TNRC18: variants seen among roughly 807,000 people sequenced by gnomAD.
TNRC18 encodes the protein trinucleotide repeat containing 18.
A neutral mutation model predicts 226.7 loss-of-function variants in TNRC18; 69 were observed. The observed-to-expected ratio is 0.30, with a 90% confidence interval of 0.25 to 0.37. The LOEUF (loss-of-function observed/expected upper bound fraction) is 0.37. Among genes scored for constraint, TNRC18 ranks in the 10% least tolerant of loss-of-function variants. TNRC18 has a pLI of 1.00. For missense variants in TNRC18, 4,754 were observed against 4,256.6 expected, an observed-to-expected ratio of 1.12 and a Z score of -3.25; for synonymous variants, 2,449 against 1,927.6, an observed-to-expected ratio of 1.27 and a Z score of -7.09.
intron 2 of TNRC18, among the ~76,000 whole-genome samples, chr7:5,418,070 A>C (rs1782301003): frequency 6.6e-6 from 1 of 152,174 alleles, no homozygotes; most frequent in Non-Finnish European, 1.5e-5. Context: ...GTACCCCTCC[A>C]GGGCCAGCCT....
At chr7:5,352,776 G>A (rs1791959973) in intron 16 of TNRC18, among the ~76,000 whole-genome samples, 1 of 152,248 alleles carries the variant, frequency 6.6e-6, no homozygotes, top group African/African-American at 2.4e-5. Context: ...GCTTTGGGAG[G>A]GGAGCCTGCC....
chr7:5,323,125 C>T (rs1423053033), intron 21 of TNRC18, among the ~76,000 whole-genome samples: 1 of 152,198 alleles, frequency 6.6e-6, no homozygotes, highest in South Asian at 2.1e-4. Context: ...CTGAGACGCA[C>T]ACAGGCGGCG....
intron 5 of TNRC18, among the ~76,000 whole-genome samples, chr7:5,385,306 G>C (rs1352277114): frequency 6.6e-6 from 1 of 152,090 alleles, no homozygotes; most frequent in Non-Finnish European, 1.5e-5. Context: ...GGCTAACAAG[G>C]TGAAACCCCG....
At chr7:5,376,767 A>G (rs1779006978) in intron 8 of TNRC18, 80 bp downstream of exon 8, 1 of 1,532,514 alleles carries the variant, frequency 6.5e-7, no homozygotes, top group Admixed American at 2.0e-5. Context: ...ACCCCTCAGC[A>G]GGAAGCCCTT....
Position 5,415,522 on chromosome 7 carries a change from C to T in TNRC18, c.187+5538G>A, listed in dbSNP as rs375758557. Among the ~76,000 whole-genome samples, 557 of 151,674 alleles carry T rather than the reference C, an allele frequency of 3.7e-3. 6 individuals are homozygous for T. The highest frequency in any genetic ancestry group is 0.013 in the African/African-American group (524 of 41,390). ...CTCCCCGAGTAGCTGGGATTACAGG[C>T]ACCCGCCACCACACCCAGCCAATTT... On this transcript the variant is annotated intron_variant, in intron 2 of 29. Coordinates refer to ENST00000430969, the MANE Select transcript of TNRC18 (RefSeq NM_001080495.3).
At chr7:5,404,763 AGTGTGTGTGTGT>A (rs57464872) in intron 2 of TNRC18, among the ~76,000 whole-genome samples, 2,779 of 147,222 alleles carry the variant, frequency 0.019, 36 homozygotes, top group Non-Finnish European at 0.032. Context: ...GCACACTTTC[AGTGTGTGTGTGT>A]GTGTGTGTGT....
chr7:5,387,308 G>C (rs1779866014), intron 5 of TNRC18, among the ~76,000 whole-genome samples: 2 of 152,176 alleles, frequency 1.3e-5, no homozygotes, highest in East Asian at 1.9e-4. Flanking sequence ...GGGGACACTG[G>C]AATCGGTAAG....
intron 24 of TNRC18, among the ~76,000 whole-genome samples, chr7:5,317,200 A>G (rs1035208899): frequency 3.3e-5 from 5 of 152,004 alleles, no homozygotes; most frequent in African/African-American, 1.2e-4. Flanking sequence ...CCCTTCATTC[A>G]GGGTCCCCAG....
At chr7:5,337,058 C>A (rs6978911) in intron 18 of TNRC18, among the ~76,000 whole-genome samples, 47,809 of 152,014 alleles carry the variant, frequency 0.31, 8,793 homozygotes, top group East Asian at 0.63. Flanking sequence ...AAATAAACAT[C>A]AACAAATCCG....
intron 16 of TNRC18, among the ~76,000 whole-genome samples, chr7:5,353,571 A>AC (rs1792056448): frequency 6.6e-6 from 1 of 150,582 alleles, no homozygotes; most frequent in Non-Finnish European, 1.5e-5. Flanking sequence ...AGAAAAAAAA[A>AC]AAAAAAAAAA....
In TNRC18 at chr7:5,388,456, G is replaced by T. The variant is rs114879170; in HGVS notation, c.1368C>A (p.Pro456=). 3.0e-3 allele frequency: 4,343 copies of T among 1,446,182 alleles called. 129 individuals carry two copies. The African/African-American group carries it at 0.061, about 20-fold the overall frequency. The allele number at this position is 1,446,182 out of a possible 1,614,324, so 89.6% of individuals were successfully genotyped here. A position where few individuals can be genotyped will look rare whatever the true frequency, so the allele number is the denominator to read the frequency against. The change falls in exon 5 of 30, where the codon CCC becomes CCA. Residue 456 remains proline, a synonymous_variant. Transcript: ENST00000430969. ...GCTCCTTGGCAGGCACGTAGGCGCG[G>T]GGGTCCGGGGAGGCGCGTGTGGCCC... ...TVRATRASPD[P]RAYVPAKELL... is the part of the protein sequence containing the mutation.
rs746622103 is a variant in TNRC18 at position 5,362,711 on chromosome 7, C to T, written c.4334G>A (p.Arg1445Gln). The change falls in exon 12 of 30, where the codon CGG becomes CAG. Residue 1445 changes from arginine to glutamine, a missense_variant. Coordinates refer to ENST00000430969, the MANE Select transcript of TNRC18 (RefSeq NM_001080495.3). Reference sequence around the variant, plus strand: ...GTTGGGCTTCAGCTCCCGCGGGAGCCGCAGGTTCTTGAGTGGGTCCACCAC... The same window carrying T: ...GTTGGGCTTCAGCTCCCGCGGGAGCTGCAGGTTCTTGAGTGGGTCCACCAC... ...GPVVDPLKNL[R>Q]LPRELKPNKK... is the part of the protein sequence containing the mutation. 5.7e-6 allele frequency: 9 copies of T among 1,581,688 alleles called. No homozygotes were observed. Among genetic ancestry groups the T allele is most frequent in the East Asian group, 2.3e-5 (1 of 43,148 alleles).
intron 27 of TNRC18, among the ~76,000 whole-genome samples, chr7:5,311,960 C>A (rs1345147149): frequency 6.6e-6 from 1 of 151,718 alleles, no homozygotes; most frequent in Non-Finnish European, 1.5e-5. Context: ...CATGGGGAAA[C>A]CCCCATCTCT....
intron 9 of TNRC18, 126 bp downstream of exon 9, chr7:5,375,908 G>A (rs1288189467): frequency 5.1e-6 from 5 of 972,956 alleles, no homozygotes; most frequent in Non-Finnish European, 7.4e-6. Context: ...AGCCCTCCCT[G>A]ACCACCTGCC....
chr7:5,420,636 G>C (rs1427504591), intron 2 of TNRC18: 6 of 461,884 alleles, frequency 1.3e-5, no homozygotes, highest in South Asian at 4.6e-5. Context: ...GAACCCAGGA[G>C]GGCCCACGAG....
chr7:5,347,353 A>AT (rs574068264), intron 17 of TNRC18, among the ~76,000 whole-genome samples: 4,251 of 135,616 alleles, frequency 0.031, 170 homozygotes, highest in East Asian at 0.17. Context: ...CACCAGGCTA[A>AT]TTTTTTTTTT....
intron 16 of TNRC18, among the ~76,000 whole-genome samples, chr7:5,353,706 C>G (rs931172121): frequency 6.6e-6 from 1 of 152,172 alleles, no homozygotes; most frequent in African/African-American, 2.4e-5. Flanking sequence ...CTTGTGAACC[C>G]TGCACTCTCT....
At chr7:5,383,024 GC>G (rs1486218754) in intron 5 of TNRC18, among the ~76,000 whole-genome samples, 1 of 152,174 alleles carries the variant, frequency 6.6e-6, no homozygotes, top group Non-Finnish European at 1.5e-5. Flanking sequence ...CCTCCCAGTA[GC>G]TGGGACTATA....
intron 2 of TNRC18, among the ~76,000 whole-genome samples, chr7:5,396,914 C>T (rs1050051308): frequency 2.0e-5 from 3 of 152,208 alleles, no homozygotes; most frequent in Non-Finnish European, 2.9e-5. Flanking sequence ...CTGACCGCCT[C>T]CCAGGGGCAC....
Sources: gnomAD v4.1 joint callset for allele counts (sites outside exome capture counted in the v4.1 genomes callset) on GRCh38, gnomAD v4.1.1 for gene constraint, MANE v1.5 for transcripts, NCBI Gene and HGNC (gene_info 2026-07-23, HGNC 2026-07-21) for gene names.